Variants in DYNLT1 observed in about 807,000 individuals in gnomAD.
DYNLT1 encodes T-complex testis-specific protein 1 homolog.
DYNLT1 carries 18 observed loss-of-function variants against 19.6 expected under a neutral mutation model. The ratio of observed to expected loss-of-function variants is 0.92; its 90% CI spans 0.64 to 1.36. The LOEUF (loss-of-function observed/expected upper bound fraction) is 1.36. Ranked by LOEUF, DYNLT1 falls within the 40% of genes most tolerant of loss-of-function variation. The probability of loss-of-function intolerance (pLI) is 0.00; values close to 1 mark genes in which losing one functional copy is unlikely to be tolerated. For synonymous variants in DYNLT1, 56 were observed against 44.0 expected, an observed-to-expected ratio of 1.27 and a Z score of -1.07; for missense variants, 137 against 139.3, an observed-to-expected ratio of 0.98 and a Z score of 0.08.
rs201782892 is a variant in DYNLT1 at position 158,637,741 on chromosome 6, G to A, written c.193+30C>T. On this transcript the variant is annotated intron_variant, in intron 3 of 4. Coordinates refer to ENST00000367089, the MANE Select transcript of DYNLT1 (RefSeq NM_006519.4). ...CTGATCAGTGTTAAAAAACCATCCC[G>A]CAAATATAAAAGAAACAAGACTCCA... The A allele has an allele frequency of 2.3e-5, 37 of 1,613,924 alleles. No homozygotes were observed. In the Admixed American group the frequency reaches 2.3e-4, roughly 10 times the overall value.
rs761184654 is a variant in DYNLT1, at chr6:158,644,678, T to C, written c.27+4A>G. On this transcript the variant is annotated splice_donor_region_variant and intron_variant, in intron 1 of 4. Transcript: ENST00000367089. ...CACCCTTCCGTCGCCGACCCGGCGG[T>C]TACCTCCTCCGCAGCCTGGTAGTCT... The C allele has an allele frequency of 1.2e-6, 2 of 1,612,086 alleles. No individual in the cohort carries two copies. The highest frequency in any genetic ancestry group is 1.1e-5 in the South Asian group (1 of 91,078).
Position 158,636,506 on chromosome 6 carries a change from A to C in DYNLT1, c.*321T>G, listed in dbSNP as rs1244033950. On this transcript the variant is annotated 3_prime_UTR_variant, in exon 5 of 5. Coordinates refer to ENST00000367089, the MANE Select transcript of DYNLT1 (RefSeq NM_006519.4). ...TTGAATAATTTATTCTAACAAAAGT[A>C]TAAAGTATGGAAAATTAGTGTATTT... is the stretch of plus-strand genomic sequence containing the variant. The C allele has an allele frequency of 1.7e-5, 5 of 293,590 alleles. No individual in the cohort carries two copies. Among genetic ancestry groups the C allele is most frequent in the Non-Finnish European group, 3.3e-5 (5 of 150,760 alleles). The allele number at this position is 293,590 out of a possible 1,614,324, so 18.2% of individuals were successfully genotyped here. A position where few individuals can be genotyped will look rare whatever the true frequency, so the allele number is the denominator to read the frequency against.
chr6:158,640,437 G>C (rs1023682458), intron 2 of DYNLT1, among the ~76,000 whole-genome samples: 1 of 152,054 alleles, frequency 6.6e-6, no homozygotes, highest in African/African-American at 2.4e-5. Flanking sequence ...AGGGAAGGCA[G>C]GGAAGCTGAT....
chr6:158,638,386 C>T (rs986275718), intron 2 of DYNLT1, among the ~76,000 whole-genome samples: 2 of 152,092 alleles, frequency 1.3e-5, no homozygotes, highest in African/African-American at 4.8e-5. Context: ...AACTAAAAGC[C>T]CTTTATATTC....
At chr6:158,643,555 C>CAA (rs1190332141) in intron 1 of DYNLT1, among the ~76,000 whole-genome samples, 1 of 152,142 alleles carries the variant, frequency 6.6e-6, no homozygotes, top group East Asian at 1.9e-4. Context: ...GATCTTGGCT[C>CAA]ACGGCAACCT....
chr6:158,641,496 TACCAAGGATGGC>T (rs1282421483), intron 1 of DYNLT1, 136 bp from the exon 2 acceptor site: 1 of 630,698 alleles, frequency 1.6e-6, no homozygotes, highest in African/African-American at 1.9e-5. Context: ...TGTTCAGCTT[TACCAAGGATGGC>T]ATTACAGTCT....
At chr6:158,643,429 AAGTTTT>A (rs1027003290) in intron 1 of DYNLT1, among the ~76,000 whole-genome samples, 2 of 152,272 alleles carry the variant, frequency 1.3e-5, no homozygotes, top group Admixed American at 6.5e-5. Context: ...ATCAGTCCTT[AAGTTTT>A]AGTTTTATTT....
rs746155993 is a variant in DYNLT1, at chr6:158,644,725, C to CG, written c.-18_-17insC. On this transcript the variant is annotated 5_prime_UTR_variant, in exon 1 of 5. Transcript: ENST00000367089. ...GTCTTCCATCTTTCCTCCGGCGCGTCCCCTCCGGCTCCCTGAGTGGCGCGG... is the reference window on the plus strand; with the variant it reads ...GTCTTCCATCTTTCCTCCGGCGCGTCGCCCTCCGGCTCCCTGAGTGGCGCGG... The CG allele has an allele frequency of 5.0e-6, 8 of 1,610,646 alleles. No homozygotes were observed. In the African/African-American group the frequency reaches 8.0e-5, roughly 16 times the overall value.
Position 158,636,778 on chromosome 6 carries a change from G to C in DYNLT1, c.*49C>G. 1 of 1,553,504 alleles carries C rather than the reference G, an allele frequency of 6.4e-7. No individual in the cohort carries two copies. The highest frequency in any genetic ancestry group is 8.8e-7 in the Non-Finnish European group (1 of 1,139,808). On this transcript the variant is annotated 3_prime_UTR_variant, in exon 5 of 5. Coordinates refer to ENST00000367089, the MANE Select transcript of DYNLT1 (RefSeq NM_006519.4). ...TCACTGAATTCATGGCTGGTGGTTA[G>C]AGGATGAACTAGAGACAAAAGGAGA... is the stretch of plus-strand genomic sequence containing the variant.
At position 158,637,503 on chromosome 6, in the gene DYNLT1, G is replaced by C. The variant is rs113541579; in HGVS notation, c.193+268C>G. On this transcript the variant is annotated intron_variant, in intron 3 of 4. Transcript: ENST00000367089. ...ATTCTAAGTTGAGCCACTGTCAGCTGGGGGCTGTCCACACTTCCTCTATGC... is the reference window on the plus strand; with the variant it reads ...ATTCTAAGTTGAGCCACTGTCAGCTCGGGGCTGTCCACACTTCCTCTATGC... 455 of 626,174 alleles carry C rather than the reference G, an allele frequency of 7.3e-4. 2 individuals carry two copies. The African/African-American group carries it at 7.4e-3, about 10-fold the overall frequency. 38.8% of individuals were successfully genotyped at this position (626,174 alleles called of 1,614,324 possible).
chr6:158,640,303 A>G (rs558403111), intron 2 of DYNLT1, among the ~76,000 whole-genome samples: 80 of 152,356 alleles, frequency 5.3e-4, no homozygotes, highest in South Asian at 3.3e-3. Flanking sequence ...TTTATCAAAC[A>G]CTAGTCAATA....
rs116968476 is a variant in DYNLT1, at chr6:158,639,240, C to T, written c.70-1346G>A. 6.2e-3 allele frequency among the ~76,000 whole-genome samples: 938 copies of T among 152,262 alleles called. 2 individuals carry two copies. Among genetic ancestry groups the T allele is most frequent in the Non-Finnish European group, 0.011 (728 of 68,022 alleles). Reference sequence around the variant, plus strand: ...TCTCCCTGAGACTCTTGAGTAGTCACGTTACACATAGGGCTGGCTTACTTC... The same window carrying T: ...TCTCCCTGAGACTCTTGAGTAGTCATGTTACACATAGGGCTGGCTTACTTC... On this transcript the variant is annotated intron_variant, in intron 2 of 4. Transcript: ENST00000367089.
intron 1 of DYNLT1, among the ~76,000 whole-genome samples, chr6:158,644,291 A>AGGCTGGGGCTGG (rs750748520): frequency 6.6e-6 from 1 of 151,624 alleles, no homozygotes; most frequent in Non-Finnish European, 1.5e-5. Context: ...GCCCCGCTCC[A>AGGCTGGGGCTGG]GGCTGGGGCT....
chr6:158,636,548 T>C lies in DYNLT1; in HGVS notation c.*279A>G. The C allele has an allele frequency of 2.6e-6, 1 of 390,434 alleles. No individual in the cohort carries two copies. Among genetic ancestry groups the C allele is most frequent in the Non-Finnish European group, 4.7e-6 (1 of 210,576 alleles). 24.2% of individuals were successfully genotyped at this position (390,434 alleles called of 1,614,324 possible). A position where few individuals can be genotyped will look rare whatever the true frequency, so the allele number is the denominator to read the frequency against. On this transcript the variant is annotated 3_prime_UTR_variant, in exon 5 of 5. Transcript: ENST00000367089. ...AGTGTATTTGAATCATTTCAGAGAG[T>C]AGAGCAAGTTTCACACTAGCAGATT... is the stretch of plus-strand genomic sequence containing the variant.
chr6:158,640,393 C>T (rs570227415), intron 2 of DYNLT1, among the ~76,000 whole-genome samples: 25 of 152,234 alleles, frequency 1.6e-4, no homozygotes, highest in Admixed American at 4.6e-4. Flanking sequence ...TTTCTTTTAG[C>T]CAATGGCTTT....
intron 2 of DYNLT1, among the ~76,000 whole-genome samples, chr6:158,639,029 A>G (rs1787081557): frequency 6.6e-6 from 1 of 152,244 alleles, no homozygotes; most frequent in South Asian, 2.1e-4. Flanking sequence ...GAAAATAACA[A>G]CATTCAGTGA....
Position 158,636,648 on chromosome 6 carries a change from G to A in DYNLT1, c.*179C>T. The A allele has an allele frequency of 1.6e-6, 1 of 622,354 alleles. No homozygotes were observed. 38.6% of individuals were successfully genotyped at this position (622,354 alleles called of 1,614,324 possible). Reference sequence around the variant, plus strand: ...CAACGCAGGCTGCAGGTGACCTACAGGGATACTCATCTGACTTCGGTGCCA... The same window carrying A: ...CAACGCAGGCTGCAGGTGACCTACAAGGATACTCATCTGACTTCGGTGCCA... On this transcript the variant is annotated 3_prime_UTR_variant, in exon 5 of 5. Coordinates refer to ENST00000367089, the MANE Select transcript of DYNLT1 (RefSeq NM_006519.4).
Position 158,637,891 on chromosome 6 carries a change from T to C in DYNLT1, c.73A>G (p.Ile25Val). The change falls in exon 3 of 5, where the codon ATA becomes GTA. Residue 25 changes from isoleucine (I) to valine (V), a missense_variant. Ile to Val is a conservative substitution (Grantham distance 29). Transcript: ENST00000367089. Reference protein sequence around the residue: ...DEVSNIVKEAIESAIGGNAYQ... With the variant: ...DEVSNIVKEAVESAIGGNAYQ... ...GCGTTACCACCAATTGCGCTTTCTA[T>C]AGCCTAGAAAACAAAGCACAAAGCG... 1 of 1,602,520 alleles carries C rather than the reference T, an allele frequency of 6.2e-7. No homozygotes were observed. The highest frequency in any genetic ancestry group is 8.5e-7 in the Non-Finnish European group (1 of 1,179,966).
intron 2 of DYNLT1, among the ~76,000 whole-genome samples, chr6:158,639,932 G>T (rs1787101213): frequency 6.6e-6 from 1 of 152,166 alleles, no homozygotes; most frequent in Non-Finnish European, 1.5e-5. Flanking sequence ...GCCCACCTCG[G>T]CCTCCCAATG....
Sources: gnomAD v4.1 joint callset for allele counts (sites outside exome capture counted in the v4.1 genomes callset) on GRCh38, gnomAD v4.1.1 for gene constraint, MANE v1.5 for transcripts, NCBI Gene and HGNC (gene_info 2026-07-23, HGNC 2026-07-21) for gene names.